The following TNNI3K variants were observed in gnomAD, a reference collection of about 807,000 sequenced individuals.
The protein encoded by TNNI3K is serine/threonine-protein kinase TNNI3K.
Under a neutral mutation model 114.5 loss-of-function variants are expected in TNNI3K, and 140 were observed. The observed-to-expected ratio is 1.22, with a 90% CI of 1.07 to 1.41. The LOEUF (loss-of-function observed/expected upper bound fraction) is 1.41, where lower values mean the gene tolerates loss of function less well. TNNI3K is among the 40% of genes most tolerant of loss of function. TNNI3K has a pLI of 0.00. For synonymous variants in TNNI3K, 347 were observed against 347.5 expected (o/e 1.00, Z 0.02); for missense variants, 1,125 against 1,007.6 (o/e 1.12, Z -1.58).
chr1:74,470,226 G>A (rs375615540), intron 21 of TNNI3K: 34 of 400,472 alleles, frequency 8.5e-5, no homozygotes, highest in Middle Eastern at 3.1e-4. Flanking sequence ...TGGTCTCCTC[G>A]GCAGAGCTTG....
At chr1:74,478,431 G>C (rs866237760) in intron 21 of TNNI3K, among the ~76,000 whole-genome samples, 11 of 152,134 alleles carry the variant, frequency 7.2e-5, no homozygotes, top group Non-Finnish European at 1.5e-4. Flanking sequence ...AACTGTTAAT[G>C]TAGCTAAATA....
intron 4 of TNNI3K, among the ~76,000 whole-genome samples, chr1:74,252,135 T>C (rs3765658): frequency 5.3e-5 from 8 of 152,186 alleles, no homozygotes; most frequent in East Asian, 1.9e-4. Context: ...ATTAGTTCAT[T>C]TTGCAAAGAT....
At chr1:74,456,500 T>G (rs1380788174) in intron 20 of TNNI3K, among the ~76,000 whole-genome samples, 1 of 152,172 alleles carries the variant, frequency 6.6e-6, no homozygotes, top group African/African-American at 2.4e-5. Context: ...CCTGGGCTTG[T>G]CTCCTCTGAT....
chr1:74,394,782 C>T (rs1373958230), intron 17 of TNNI3K, among the ~76,000 whole-genome samples: 6 of 152,198 alleles, frequency 3.9e-5, no homozygotes, highest in African/African-American at 1.2e-4. Flanking sequence ...CAGTGGCTCA[C>T]GCCTGTAATC....
At chr1:74,339,505 A>G (rs957813401) in intron 7 of TNNI3K, among the ~76,000 whole-genome samples, 1 of 152,146 alleles carries the variant, frequency 6.6e-6, no homozygotes, top group Non-Finnish European at 1.5e-5. Context: ...GTAAATGGAC[A>G]TAGGAGAAAG....
intron 23 of TNNI3K, among the ~76,000 whole-genome samples, chr1:74,502,247 T>G (rs1669670786): frequency 1.3e-5 from 2 of 152,218 alleles, no homozygotes. Context: ...TCTCTCCTTT[T>G]GCTGCTGTTT....
In TNNI3K at chr1:74,424,259, T is replaced by C. The variant is rs577124918; in HGVS notation, c.1773-11821T>C. ...GAGGGCTCAAAGGCATTATGTGGTA[T>C]GATATAAAGCCTAAAAGATTCCACT... On this transcript the variant is annotated intron_variant, in intron 17 of 24. Coordinates refer to ENST00000326637, the MANE Select transcript of TNNI3K (RefSeq NM_015978.3). Among the ~76,000 whole-genome samples the C allele has an allele frequency of 4.6e-5, 7 of 152,200 alleles. No individual in the cohort carries two copies. The East Asian group carries it at 1.2e-3, about 25-fold the overall frequency.
At position 74,472,114 on chromosome 1, in the gene TNNI3K, T is replaced by G. The variant is rs562836334; in HGVS notation, c.2121+8564T>G. 1.2e-4 allele frequency: 86 copies of G among 717,248 alleles called. 2 individuals are homozygous for G. In the South Asian group the frequency reaches 1.2e-3, roughly 10 times the overall value. 44.4% of individuals were successfully genotyped at this position (717,248 alleles called of 1,614,324 possible). On this transcript the variant is annotated intron_variant, in intron 21 of 24. Transcript: ENST00000326637. The stretch of plus-strand genomic sequence containing the variant: ...TTTTTCTATTGGAGGCTGCCATGAT[T>G]CATTTGTTAAACGCTTCTCAAGACT...
At chr1:74,263,218 A>G (rs1570389820) in intron 4 of TNNI3K, among the ~76,000 whole-genome samples, 1 of 152,094 alleles carries the variant, frequency 6.6e-6, no homozygotes, top group Non-Finnish European at 1.5e-5. Context: ...TCAGAGAATC[A>G]TAAATTATGT....
chr1:74,480,110 CAAGAG>C, intron 21 of TNNI3K: 2 of 677,356 alleles, frequency 3.0e-6, no homozygotes, highest in South Asian at 3.3e-5. Context: ...AAAATATGGA[CAAGAG>C]AAGAGAAAAG....
intron 23 of TNNI3K, among the ~76,000 whole-genome samples, chr1:74,509,747 C>CTTTTTTT (rs68193106): frequency 1.3e-4 from 6 of 47,812 alleles, no homozygotes; most frequent in Admixed American, 3.7e-4. Context: ...ATCTGAATTT[C>CTTTTTTT]TTTTTTTTTT....
intron 20 of TNNI3K, among the ~76,000 whole-genome samples, chr1:74,445,634 G>A (rs1336685478): frequency 8.0e-6 from 1 of 124,864 alleles, no homozygotes; most frequent in Non-Finnish European, 1.6e-5. Context: ...TTTTTGAGAC[G>A]GAGTCTCGCT....
At chr1:74,433,847 T>A (rs907786170) in intron 17 of TNNI3K, among the ~76,000 whole-genome samples, 2 of 152,106 alleles carry the variant, frequency 1.3e-5, no homozygotes, top group African/African-American at 4.8e-5. Context: ...TGCCAGGTTT[T>A]CTGGTTATAT....
At chr1:74,247,436 A>G (rs1654641701) in intron 2 of TNNI3K, among the ~76,000 whole-genome samples, 1 of 152,172 alleles carries the variant, frequency 6.6e-6, no homozygotes, top group Non-Finnish European at 1.5e-5. Context: ...GATTTATTGC[A>G]AAAAGCGAAA....
chr1:74,470,432 C>A (rs1200407893), intron 21 of TNNI3K: 3 of 400,546 alleles, frequency 7.5e-6, no homozygotes, highest in East Asian at 3.6e-5. Context: ...CTGGGCAATG[C>A]ATTTGTGCTG....
intron 11 of TNNI3K, among the ~76,000 whole-genome samples, chr1:74,357,404 C>T (rs1364043233): frequency 6.6e-6 from 1 of 152,152 alleles, no homozygotes; most frequent in Non-Finnish European, 1.5e-5. Flanking sequence ...TTCTCAGCAG[C>T]ACCCGTCTCT....
chr1:74,501,301 T>C (rs184230135), intron 23 of TNNI3K, among the ~76,000 whole-genome samples: 1 of 152,334 alleles, frequency 6.6e-6, no homozygotes, highest in East Asian at 1.9e-4. Flanking sequence ...ATTTCTAATT[T>C]ATATTCCAGT....
intron 23 of TNNI3K, among the ~76,000 whole-genome samples, chr1:74,523,962 C>A (rs45529535): frequency 0.04 from 6,053 of 152,028 alleles, 186 homozygotes; most frequent in East Asian, 0.08. Context: ...TGTGATATTC[C>A]ACTCCCTGTG....
chr1:74,448,133 A>G (rs1418917515), intron 20 of TNNI3K, among the ~76,000 whole-genome samples: 6 of 101,160 alleles, frequency 5.9e-5, no homozygotes, highest in Non-Finnish European at 9.6e-5. Context: ...GGGGGGAGGG[A>G]TAGCATTGGG....
Sources: allele counts gnomAD v4.1 joint callset (sites outside exome capture counted in the v4.1 genomes callset), GRCh38; gene constraint gnomAD v4.1.1; transcripts MANE v1.5; gene names NCBI Gene and HGNC (gene_info 2026-07-23, HGNC 2026-07-21).